ZFAT: variants seen among roughly 807,000 people sequenced by gnomAD.
ZFAT encodes the protein zinc finger protein ZFAT.
ZFAT carries 64 observed loss-of-function variants against 117.7 expected under a neutral mutation model. The observed-to-expected ratio is 0.54, with a 90% confidence interval of 0.44 to 0.67. ZFAT has a LOEUF of 0.67. Ranked by LOEUF, ZFAT falls within the 30% of genes least tolerant of loss-of-function variation. ZFAT has a pLI of 0.00. For synonymous variants in ZFAT, 679 were observed against 615.0 expected (o/e 1.10, Z -1.54); for missense variants, 1,433 against 1,584.5 (o/e 0.90, Z 1.62).
rs1315307120 is a variant in ZFAT, at chr8:134,601,621, C to A, written c.2098G>T (p.Asp700Tyr). The A allele has an allele frequency of 6.2e-7, 1 of 1,614,128 alleles. No homozygotes were observed. Among genetic ancestry groups the A allele is most frequent in the African/African-American group, 1.3e-5 (1 of 74,954 alleles). The change falls in exon 6 of 16, where the codon GAC (aspartate) becomes TAC (tyrosine). Residue 700 changes from aspartate to tyrosine, a missense_variant. By Grantham distance (160) the Asp-to-Tyr change is radical. Transcript: ENST00000377838. ...GGGDTITHQP[D>Y]SCKAAPEHRS... is the part of the protein sequence containing the mutation. Reference sequence around the variant, plus strand: ...TGCTCAGGGGCAGCTTTGCAAGAGTCAGGCTGATGTGTGATGGTGTCCCCA... The same window carrying A: ...TGCTCAGGGGCAGCTTTGCAAGAGTAAGGCTGATGTGTGATGGTGTCCCCA...
chr8:134,631,047 G>A (rs1416335879), intron 3 of ZFAT, among the ~76,000 whole-genome samples: 1 of 152,192 alleles, frequency 6.6e-6, no homozygotes, highest in Non-Finnish European at 1.5e-5. Flanking sequence ...GCATATTTTA[G>A]AGCTTCAACC....
At chr8:134,560,646 A>G (rs955677561) in intron 11 of ZFAT, among the ~76,000 whole-genome samples, 3 of 152,202 alleles carry the variant, frequency 2.0e-5, no homozygotes, top group African/African-American at 7.2e-5. Flanking sequence ...GAAGAAAGCA[A>G]AGAGTTGAAT....
chr8:134,782,858 C>G, the ZFAT span, among the ~76,000 whole-genome samples: 2 of 152,104 alleles, frequency 1.3e-5, no homozygotes, highest in Admixed American at 6.6e-5. Context: ...CACCCTGCAT[C>G]TCTTTTTAAG....
At chr8:134,601,343 C>G in intron 6 of ZFAT, 134 bp downstream of exon 6, 1 of 1,333,336 alleles carries the variant, frequency 7.5e-7, no homozygotes, top group Non-Finnish European at 1.0e-6. Flanking sequence ...GGTCACCGTT[C>G]CTATCTACAA....
the ZFAT span, among the ~76,000 whole-genome samples, chr8:134,770,922 T>C: frequency 1.1e-4 from 16 of 150,870 alleles, no homozygotes; most frequent in Non-Finnish European, 2.2e-4. Context: ...ACCGAATAAA[T>C]TTTGGTCAGA....
chr8:134,577,447 T>C (rs1415409079), intron 10 of ZFAT, among the ~76,000 whole-genome samples: 1 of 152,232 alleles, frequency 6.6e-6, no homozygotes, highest in Non-Finnish European at 1.5e-5. Flanking sequence ...CATTTAATGG[T>C]GAGTTCCTTG....
chr8:134,504,041 C>A (rs1819200764), intron 15 of ZFAT, among the ~76,000 whole-genome samples: 1 of 152,162 alleles, frequency 6.6e-6, no homozygotes, highest in African/African-American at 2.4e-5. Flanking sequence ...GGAATGGTGG[C>A]CGAGTCACAG....
intron 5 of ZFAT, among the ~76,000 whole-genome samples, chr8:134,605,691 C>T (rs980402843): frequency 7.2e-5 from 11 of 152,112 alleles, no homozygotes; most frequent in African/African-American, 2.7e-4. Flanking sequence ...TCATTTTCCA[C>T]AATAGTTAAG....
chr8:134,534,775 A>AAGGGAGAAAGAGAG (rs1554640457), intron 11 of ZFAT, among the ~76,000 whole-genome samples: 3 of 136,344 alleles, frequency 2.2e-5, no homozygotes, highest in Non-Finnish European at 4.6e-5. Context: ...GAGAGGGAGA[A>AAGGGAGAAAGAGAG]AGAGAGAGAG....
chr8:134,510,133 C>G (rs553555953), intron 14 of ZFAT: 88 of 458,644 alleles, frequency 1.9e-4, no homozygotes, highest in African/African-American at 1.5e-3. Context: ...CCAGCAAGCC[C>G]GTTCAGCCGC....
chr8:134,749,309 A>G, the ZFAT span, among the ~76,000 whole-genome samples: 1 of 152,314 alleles, frequency 6.6e-6, no homozygotes, highest in Admixed American at 6.5e-5. Context: ...TACTGCAACA[A>G]TACATCTTAG....
chr8:134,804,787 A>G, the ZFAT span: 1 of 491,528 alleles, frequency 2.0e-6, no homozygotes, highest in East Asian at 5.7e-5. Context: ...ATGCAGCTAA[A>G]GATTTCTGAG....
chr8:134,710,721 G>A lies in ZFAT; in HGVS notation c.19+2124C>T, dbSNP rs112831216. Among the ~76,000 whole-genome samples, 542 of 152,326 alleles carry A rather than the reference G, an allele frequency of 3.6e-3. 2 individuals carry two copies. Among genetic ancestry groups the A allele is most frequent in the African/African-American group, 0.012 (507 of 41,578 alleles). ...GTTTGATGTGCACCTTATACACACA[G>A]TCTGAAGGTAATTTTACAATATTTT... On this transcript the variant is annotated intron_variant, in intron 1 of 15. Coordinates refer to ENST00000377838, the MANE Select transcript of ZFAT (RefSeq NM_020863.4).
chr8:134,602,915 G>C lies in ZFAT; in HGVS notation c.804C>G (p.Leu268=). The C allele has an allele frequency of 6.2e-7, 1 of 1,610,594 alleles. No individual in the cohort carries two copies. The highest frequency in any genetic ancestry group is 8.5e-7 in the Non-Finnish European group (1 of 1,178,074). ...MKSSRLGPTQ[L]KIFTCEYCNK... ...TGCAGTATTCACAAGTGAAGATTTT[G>C]AGCTGAGTGGGACCTAGCCTAGAAA... Residue 268 remains leucine, a synonymous_variant, in exon 6 of 16, where the codon CTC becomes CTG. Coordinates refer to ENST00000377838, the MANE Select transcript of ZFAT (RefSeq NM_020863.4).
chr8:134,585,962 CTGTT>C (rs1209556840), intron 9 of ZFAT, among the ~76,000 whole-genome samples: 2 of 152,180 alleles, frequency 1.3e-5, no homozygotes, highest in African/African-American at 4.8e-5. Flanking sequence ...CCTGTGTTTT[CTGTT>C]TTTCTTTCTT....
intron 11 of ZFAT, among the ~76,000 whole-genome samples, chr8:134,548,922 G>C (rs1822911151): frequency 1.3e-5 from 2 of 152,188 alleles, no homozygotes; most frequent in Non-Finnish European, 2.9e-5. Flanking sequence ...ACTCAGAACG[G>C]AACACGCGAA....
At chr8:134,714,340 C>T (rs1419374143), upstream of ZFAT, among the ~76,000 whole-genome samples, 1 of 152,230 alleles carries the variant, frequency 6.6e-6, no homozygotes, top group African/African-American at 2.4e-5. Context: ...CCCCACTTCT[C>T]TGTTTGCACA....
intron 12 of ZFAT, among the ~76,000 whole-genome samples, chr8:134,528,001 C>CT (rs1345176477): frequency 6.6e-6 from 1 of 152,202 alleles, no homozygotes; most frequent in Non-Finnish European, 1.5e-5. Flanking sequence ...AGAAAATAAA[C>CT]AGTATCCATG....
At chr8:134,830,454 T>A in the ZFAT span, among the ~76,000 whole-genome samples, 4 of 152,174 alleles carry the variant, frequency 2.6e-5, no homozygotes, top group Admixed American at 6.5e-5. Context: ...AAAGTGAGGG[T>A]CCTCTGTTGA....
Sources: allele counts gnomAD v4.1 joint callset (sites outside exome capture counted in the v4.1 genomes callset), GRCh38; gene constraint gnomAD v4.1.1; transcripts MANE v1.5; gene names NCBI Gene and HGNC (gene_info 2026-07-23, HGNC 2026-07-21).